Variants in COX7A2 observed in about 807,000 individuals in gnomAD.
COX7A2 encodes cytochrome c oxidase subunit 7A2, also known as cytochrome c oxidase subunit 7A2, mitochondrial.
In COX7A2, 11 loss-of-function variants were observed where a neutral mutation model predicts 11.6. That is an observed-to-expected ratio of 0.95 (90% CI 0.60 to 1.57). COX7A2 has a LOEUF of 1.57. Among genes scored for constraint, COX7A2 ranks in the 40% most tolerant of loss-of-function variants. The probability of loss-of-function intolerance (pLI) is 0.00; values close to 1 mark genes in which losing one functional copy is unlikely to be tolerated. For synonymous variants in COX7A2, 30 were observed against 38.2 expected, an observed-to-expected ratio of 0.78 and a Z score of 0.79; for missense variants, 106 against 100.9, an observed-to-expected ratio of 1.05 and a Z score of -0.22.
chr6:75,248,589 T>G (rs2149515045), upstream of COX7A2, among the ~76,000 whole-genome samples: 1 of 152,340 alleles, frequency 6.6e-6, no homozygotes, highest in African/African-American at 2.4e-5. Flanking sequence ...CAAAAATATA[T>G]AAAACCAAGC....
In COX7A2 at chr6:75,241,232, T is replaced by C; in HGVS notation, c.52A>G (p.Thr18Ala). The C allele has an allele frequency of 1.3e-6, 2 of 1,588,400 alleles. No individual in the cohort carries two copies. The highest frequency in any genetic ancestry group is 1.7e-6 in the Non-Finnish European group (2 of 1,161,118). Residue 18 changes from threonine (T) to alanine (A), a missense_variant, in exon 2 of 4, where the codon ACT becomes GCT. Transcript: ENST00000684430. ...LRQIGQRTIS[T>A]ASRRHFKNKV... ...TTTTTAAAATGCCTGCGGGAAGCAG[T>C]GCTTATCGTCCTCTGCCCAATCTGA...
intron 2 of COX7A2, 187 bp from the exon 3 acceptor site, chr6:75,240,572 T>G: frequency 4.2e-6 from 2 of 475,418 alleles, no homozygotes; most frequent in South Asian, 7.5e-5. Flanking sequence ...ACTTTTAAAA[T>G]AAGAATTCCT....
At chr6:75,247,273 T>C (rs1257140675), upstream of COX7A2, among the ~76,000 whole-genome samples, 1 of 152,168 alleles carries the variant, frequency 6.6e-6, no homozygotes, top group African/African-American at 2.4e-5. Flanking sequence ...TGATCCTGCC[T>C]ATAGAATCGA....
At chr6:75,244,083 G>C (rs952127611), upstream of COX7A2, 2 of 329,396 alleles carry the variant, frequency 6.1e-6, no homozygotes, top group African/African-American at 4.3e-5. Flanking sequence ...GGCTATCAAA[G>C]AAAACTAGTG....
upstream of COX7A2, among the ~76,000 whole-genome samples, chr6:75,246,511 C>T (rs180671677): frequency 3.9e-5 from 6 of 152,302 alleles, no homozygotes; most frequent in Non-Finnish European, 7.4e-5. Flanking sequence ...CACTCTTCCA[C>T]TATCTTCCAC....
chr6:75,245,490 CAA>C (rs11446150), upstream of COX7A2, among the ~76,000 whole-genome samples: 2 of 132,542 alleles, frequency 1.5e-5, no homozygotes, highest in East Asian at 2.2e-4. Context: ...GACTTCATAT[CAA>C]AAAAAAAAAA....
chr6:75,245,196 A>C (rs2149513640), upstream of COX7A2, among the ~76,000 whole-genome samples: 1 of 152,346 alleles, frequency 6.6e-6, no homozygotes, highest in African/African-American at 2.4e-5. Flanking sequence ...GACCCTGTCC[A>C]AAAAGAGCCA....
chr6:75,239,495 G>C (rs1771423126), intron 3 of COX7A2, among the ~76,000 whole-genome samples: 1 of 152,188 alleles, frequency 6.6e-6, no homozygotes, highest in Non-Finnish European at 1.5e-5. Context: ...AGAAATCCAA[G>C]TATGTGGCAT....
chr6:75,246,347 A>G (rs1023468557), upstream of COX7A2, among the ~76,000 whole-genome samples: 8 of 152,294 alleles, frequency 5.3e-5, no homozygotes, highest in Admixed American at 4.6e-4. Flanking sequence ...CTATAAACCA[A>G]TTTATTAAAA....
At chr6:75,248,820 C>A (rs1461778703) in intron 1 of COX7A2, among the ~76,000 whole-genome samples, 1 of 152,152 alleles carries the variant, frequency 6.6e-6, no homozygotes. Flanking sequence ...AGTCTCTGAC[C>A]TTCTGGAGAA....
chr6:75,245,267 G>A (rs867215357), upstream of COX7A2, among the ~76,000 whole-genome samples: 5 of 152,294 alleles, frequency 3.3e-5, no homozygotes, highest in African/African-American at 1.2e-4. Context: ...CGAGGCGGGC[G>A]GATCATGAGG....
chr6:75,248,094 T>A (rs1351333527), upstream of COX7A2, among the ~76,000 whole-genome samples: 1 of 13,612 alleles, frequency 7.3e-5, no homozygotes, highest in Non-Finnish European at 1.7e-4. Flanking sequence ...TTTTTTTTTT[T>A]TTTTTTTTTT....
At chr6:75,246,394 T>C (rs1218227261), upstream of COX7A2, among the ~76,000 whole-genome samples, 2 of 152,322 alleles carry the variant, frequency 1.3e-5, no homozygotes, top group Non-Finnish European at 2.9e-5. Context: ...ATAATCTGAA[T>C]TGAACCACTT....
Position 75,240,385 on chromosome 6 carries a change from C to T in COX7A2, c.109G>A (p.Glu37Lys), listed in dbSNP as rs966313279. 25 of 1,480,722 alleles carry T rather than the reference C, an allele frequency of 1.7e-5. No individual in the cohort carries two copies. The highest frequency in any genetic ancestry group is 5.1e-5 in the African/African-American group (3 of 58,816). 91.7% of individuals were successfully genotyped at this position (1,480,722 alleles called of 1,614,324 possible). A position where few individuals can be genotyped will look rare whatever the true frequency, so the allele number is the denominator to read the frequency against. The change falls in exon 3 of 4, where the codon GAG (glutamate) becomes AAG (lysine). Residue 37 changes from glutamate (E) to lysine (K), a missense_variant and splice_region_variant. Physicochemically the swap from Glu to Lys is moderately conservative, Grantham distance 56 (BLOSUM62 1). Coordinates refer to ENST00000684430, the MANE Select transcript of COX7A2 (RefSeq NM_001366293.2). ...KVPEKQKLFQ[E>K]DDEIPLYLKG... is the part of the protein sequence containing the mutation. Reference sequence around the variant, plus strand: ...AGATACAGTGGAATTTCATCATCCTCCTAGATTTAAAAAAAAAAAAAAAAG... The same window carrying T: ...AGATACAGTGGAATTTCATCATCCTTCTAGATTTAAAAAAAAAAAAAAAAG...
chr6:75,248,585 T>C (rs1375555676), upstream of COX7A2, among the ~76,000 whole-genome samples: 2 of 152,204 alleles, frequency 1.3e-5, no homozygotes, highest in Non-Finnish European at 2.9e-5. Flanking sequence ...CTCCCAAAAA[T>C]ATATAAAACC....
At chr6:75,245,262 C>A (rs1019810965), upstream of COX7A2, among the ~76,000 whole-genome samples, 1 of 152,146 alleles carries the variant, frequency 6.6e-6, no homozygotes, top group South Asian at 2.1e-4. Flanking sequence ...GAGGCCGAGG[C>A]GGGCGGATCA....
chr6:75,248,975 G>A (rs1485738208), intron 1 of COX7A2, among the ~76,000 whole-genome samples: 8 of 152,126 alleles, frequency 5.3e-5, no homozygotes, highest in Non-Finnish European at 7.3e-5. Context: ...ATTTTGGGCC[G>A]GGCACGGATT....
chr6:75,240,146 A>G lies in COX7A2; in HGVS notation c.193+155T>C, dbSNP rs113733804. 1,123 of 648,010 alleles carry G rather than the reference A, an allele frequency of 1.7e-3. 12 individuals carry two copies. In the African/African-American group the frequency reaches 0.019, roughly 11 times the overall value. The allele number at this position is 648,010 out of a possible 1,614,324, so 40.1% of individuals were successfully genotyped here. Reference sequence around the variant, plus strand: ...ACAATGCTCTTATACAGTATGTATCAGTCACCCTCTTGAATCATTATGAGA... The same window carrying G: ...ACAATGCTCTTATACAGTATGTATCGGTCACCCTCTTGAATCATTATGAGA... On this transcript the variant is annotated intron_variant, in intron 3 of 3. Coordinates refer to ENST00000684430, the MANE Select transcript of COX7A2 (RefSeq NM_001366293.2).
upstream of COX7A2, among the ~76,000 whole-genome samples, chr6:75,245,657 C>T (rs1771666174): frequency 6.6e-6 from 1 of 152,132 alleles, no homozygotes; most frequent in African/African-American, 2.4e-5. Context: ...TTACCGTTAC[C>T]ATCCTATAGA....
Sources: gnomAD v4.1 joint callset for allele counts (sites outside exome capture counted in the v4.1 genomes callset) on GRCh38, gnomAD v4.1.1 for gene constraint, MANE v1.5 for transcripts, NCBI Gene and HGNC (gene_info 2026-07-23, HGNC 2026-07-21) for gene names.